The following AGBL4 variants were observed in gnomAD, a reference collection of about 807,000 sequenced individuals.
AGBL4 encodes the protein cytosolic carboxypeptidase 6.
In AGBL4, 58 loss-of-function variants were observed where a neutral mutation model predicts 66.4. That is an observed-to-expected ratio of 0.87 (90% confidence interval 0.71 to 1.09). The LOEUF is 1.09. AGBL4 is among the 50% of genes least tolerant of loss of function. The probability of loss-of-function intolerance (pLI) is 0.00; values close to 1 mark genes in which losing one functional copy is unlikely to be tolerated. For synonymous variants in AGBL4, 234 were observed against 222.9 expected, an observed-to-expected ratio of 1.05 and a Z score of -0.44; for missense variants, 579 against 631.0, an observed-to-expected ratio of 0.92 and a Z score of 0.88.
At position 49,290,994 on chromosome 1, in the gene AGBL4, C is replaced by T. The variant is rs547697041; in HGVS notation, c.283-45130G>A. On this transcript the variant is annotated intron_variant, in intron 3 of 13. Transcript: ENST00000371839. ...CTGCACTCCAGAATGGGCAACAGAG[C>T]GAGGAAAAAAATAGTATTACAGGAC... is the stretch of plus-strand genomic sequence containing the variant. Among the ~76,000 whole-genome samples, 19 of 151,952 alleles carry T rather than the reference C, an allele frequency of 1.3e-4. No homozygotes were observed. In the East Asian group the frequency reaches 1.4e-3, roughly 11 times the overall value.
At chr1:50,016,418 C>T (rs1661990665) in intron 1 of AGBL4, among the ~76,000 whole-genome samples, 2 of 152,168 alleles carry the variant, frequency 1.3e-5, no homozygotes, top group African/African-American at 4.8e-5. Context: ...AAAAATTAGC[C>T]AGGCATGGTG....
At chr1:49,123,311 G>T (rs1569691633) in intron 4 of AGBL4, among the ~76,000 whole-genome samples, 1 of 152,080 alleles carries the variant, frequency 6.6e-6, no homozygotes. Flanking sequence ...CAGACCACAG[G>T]TTATTTAGAA....
intron 6 of AGBL4, among the ~76,000 whole-genome samples, chr1:48,712,027 G>A (rs1192062827): frequency 1.3e-5 from 2 of 151,834 alleles, no homozygotes; most frequent in Admixed American, 6.6e-5. Context: ...AGTCATACTC[G>A]CTCTGGCCCC....
chr1:49,618,347 T>TTCACAGGCAAATTCTACCAGAGGTAC (rs1467120302), intron 3 of AGBL4, among the ~76,000 whole-genome samples: 5 of 132,886 alleles, frequency 3.8e-5, no homozygotes, highest in Admixed American at 7.7e-5. Context: ...GAATGATGTA[T>TTCACAGGCAAATTCTACCAGAGGTAC]AATCCTTTGG....
At chr1:49,986,628 T>C (rs1298492336) in intron 1 of AGBL4, among the ~76,000 whole-genome samples, 1 of 152,086 alleles carries the variant, frequency 6.6e-6, no homozygotes, top group Non-Finnish European at 1.5e-5. Flanking sequence ...ATCAGCAGCA[T>C]ATGAGAGTTT....
At chr1:48,540,133 C>A (rs1307695650) in intron 11 of AGBL4, among the ~76,000 whole-genome samples, 1 of 152,078 alleles carries the variant, frequency 6.6e-6, no homozygotes, top group East Asian at 1.9e-4. Flanking sequence ...GCAAAAAACC[C>A]AAGGACAAGA....
At chr1:48,633,563 T>G (rs1238202961) in intron 9 of AGBL4, among the ~76,000 whole-genome samples, 4 of 152,182 alleles carry the variant, frequency 2.6e-5, no homozygotes, top group Admixed American at 6.5e-5. Context: ...TGAACACTTT[T>G]AGTAAAGCAA....
intron 6 of AGBL4, chr1:48,759,435 CATTTTATAAATGGGGAAACATTTTATAA>C: frequency 1.5e-6 from 2 of 1,313,108 alleles, no homozygotes; most frequent in South Asian, 1.6e-5. Context: ...CAAAGCCCTT[CATTTTATAAATGGGGAAACATTTTATAA>C]ATTTTATAAA....
At chr1:49,050,894 T>G (rs1644197504) in intron 4 of AGBL4, among the ~76,000 whole-genome samples, 1 of 152,080 alleles carries the variant, frequency 6.6e-6, no homozygotes, top group Non-Finnish European at 1.5e-5. Flanking sequence ...GACTTATGAG[T>G]GAATGAGTGA....
chr1:48,714,748 C>A (rs1010695778), intron 6 of AGBL4, among the ~76,000 whole-genome samples: 3 of 152,198 alleles, frequency 2.0e-5, no homozygotes, highest in Non-Finnish European at 4.4e-5. Flanking sequence ...GGCCTGTGTG[C>A]CCCAGCAGGT....
At chr1:49,250,127 A>T (rs1366437413) in intron 3 of AGBL4, among the ~76,000 whole-genome samples, 4 of 152,242 alleles carry the variant, frequency 2.6e-5, no homozygotes, top group Non-Finnish European at 5.9e-5. Flanking sequence ...ACAGATGGAT[A>T]GAAGGAATAA....
rs3052048 is a variant in AGBL4 at position 49,318,386 on chromosome 1, AGATGATGAT to A, written c.283-72531_283-72523del. Reference sequence around the variant, plus strand: ...ACAACATACGGGAATATTTAAATGCAGATGATGATGATGATGATGATGATGATGATGATG... The same window carrying A: ...ACAACATACGGGAATATTTAAATGCAGATGATGATGATGATGATGATGATG... On this transcript the variant is annotated intron_variant, in intron 3 of 13. Coordinates refer to ENST00000371839, the MANE Select transcript of AGBL4 (RefSeq NM_032785.4). Among the ~76,000 whole-genome samples, 602 of 148,778 alleles carry A rather than the reference AGATGATGAT, an allele frequency of 4.0e-3. 5 individuals carry two copies. The highest frequency in any genetic ancestry group is 7.5e-3 in the African/African-American group (300 of 40,248).
intron 6 of AGBL4, among the ~76,000 whole-genome samples, chr1:48,851,904 T>C (rs896792853): frequency 9.3e-5 from 14 of 150,212 alleles, no homozygotes; most frequent in Middle Eastern, 3.4e-3. Flanking sequence ...GGCTAAGTTA[T>C]TGAGAAAAAT....
At chr1:49,823,777 A>AGTGTGTGTGT (rs1271305647) in intron 2 of AGBL4, among the ~76,000 whole-genome samples, 1 of 21,308 alleles carries the variant, frequency 4.7e-5, no homozygotes, top group Non-Finnish European at 9.3e-5. Context: ...AAGGCTGCAT[A>AGTGTGTGTGT]ATGTGTGTGT....
rs116378829 is a variant in AGBL4 at position 48,581,793 on chromosome 1, T to C, written c.1267+5211A>G. On this transcript the variant is annotated intron_variant, in intron 11 of 13. Transcript: ENST00000371839. ...AACAACAATCCTGTGATGTAAATAA[T>C]CTTCCTCACTTTACAGATGAAGAAA... 2.9e-3 allele frequency among the ~76,000 whole-genome samples: 438 copies of C among 152,338 alleles called. 6 individuals are homozygous for C. The highest frequency in any genetic ancestry group is 0.01 in the African/African-American group (420 of 41,568).
At chr1:49,438,968 C>A (rs1312347539) in intron 3 of AGBL4, among the ~76,000 whole-genome samples, 1 of 152,178 alleles carries the variant, frequency 6.6e-6, no homozygotes, top group Non-Finnish European at 1.5e-5. Flanking sequence ...TTACTGATCC[C>A]ATCTATGGTG....
intron 3 of AGBL4, among the ~76,000 whole-genome samples, chr1:49,282,046 T>C (rs241463): frequency 0.69 from 105,492 of 151,972 alleles, 37,489 homozygotes; most frequent in African/African-American, 0.81. Context: ...ACTGAACACT[T>C]AACCCCTGGC....
chr1:48,969,063 G>A (rs892473014), intron 5 of AGBL4, among the ~76,000 whole-genome samples: 4 of 151,844 alleles, frequency 2.6e-5, no homozygotes, highest in African/African-American at 7.3e-5. Flanking sequence ...AGCCACAACT[G>A]TGGTCTCTTT....
chr1:49,404,976 A>C (rs968093822), intron 3 of AGBL4, among the ~76,000 whole-genome samples: 2 of 152,206 alleles, frequency 1.3e-5, no homozygotes, highest in African/African-American at 4.8e-5. Context: ...GTTTTCTTCA[A>C]ACCACTGTGT....
Sources: gnomAD v4.1 joint callset for allele counts (sites outside exome capture counted in the v4.1 genomes callset) on GRCh38, gnomAD v4.1.1 for gene constraint, MANE v1.5 for transcripts, NCBI Gene and HGNC (gene_info 2026-07-23, HGNC 2026-07-21) for gene names.